CDH4: variants seen among roughly 807,000 people sequenced by gnomAD.
CDH4 encodes the protein cadherin-4.
Under a neutral mutation model 86.0 loss-of-function variants are expected in CDH4, and 33 were observed. The observed-to-expected ratio is 0.38, with a 90% CI of 0.29 to 0.51. CDH4 has a LOEUF of 0.51. Ranked by LOEUF, CDH4 falls within the 20% of genes least tolerant of loss-of-function variation. The pLI is 0.86. For synonymous variants in CDH4, 555 were observed against 549.4 expected (o/e 1.01, Z -0.14); for missense variants, 1,114 against 1,307.4 (o/e 0.85, Z 2.28).
At chr20:61,621,909 G>C (rs2086781334) in intron 2 of CDH4, among the ~76,000 whole-genome samples, 2 of 152,196 alleles carry the variant, frequency 1.3e-5, no homozygotes. Flanking sequence ...AATAAAAACA[G>C]ATGAAGTGCA....
rs2085699857 is a variant in CDH4 at position 61,501,381 on chromosome 20, A to T, written c.170-242182A>T. On this transcript the variant is annotated intron_variant, in intron 2 of 15. Transcript: ENST00000614565. The surrounding 1 kb of genome is among the most constrained non-coding windows in gnomAD (Gnocchi z 4.2). Reference sequence around the variant, plus strand: ...GCATTGGGGTGACTGAGACAAATGGAGTGTGGCCTGCTTGGGAAATGCTGA... The same window carrying T: ...GCATTGGGGTGACTGAGACAAATGGTGTGTGGCCTGCTTGGGAAATGCTGA... Among the ~76,000 whole-genome samples, 1 of 152,154 alleles carries T rather than the reference A, an allele frequency of 6.6e-6. No individual in the cohort carries two copies. The highest frequency in any genetic ancestry group is 1.5e-5 in the Non-Finnish European group (1 of 68,028).
chr20:61,936,868 C>A lies in CDH4; in HGVS notation c.2676C>A (p.Asp892Glu). ...ACTCATCCAGTTCCGGGGACCAAGA[C>A]TACGATTACCTCAACGACTGGGGGC... ...SLNSSSSGDQ[D>E]YDYLNDWGPR... The change falls in exon 16 of 16, where the codon GAC becomes GAA. Residue 892 changes from aspartate to glutamate, a missense_variant. By Grantham distance (45) the Asp-to-Glu change is conservative. Around this residue, in one of 3 missense-constraint regions of CDH4, gnomAD observed 188 missense variants for 183.8 expected, o/e 1.02. Transcript: ENST00000614565. The A allele has an allele frequency of 6.2e-7, 1 of 1,607,836 alleles. No homozygotes were observed. The highest frequency in any genetic ancestry group is 8.5e-7 in the Non-Finnish European group (1 of 1,177,740).
intron 2 of CDH4, among the ~76,000 whole-genome samples, chr20:61,581,851 G>A (rs950103561): frequency 1.3e-5 from 2 of 152,194 alleles, no homozygotes; most frequent in African/African-American, 4.8e-5. Flanking sequence ...ACCGTGAGGT[G>A]GAATCGGGAA....
intron 2 of CDH4, among the ~76,000 whole-genome samples, chr20:61,379,393 G>GTA (rs2084888430): frequency 6.6e-6 from 1 of 152,002 alleles, no homozygotes; most frequent in Non-Finnish European, 1.5e-5. Flanking sequence ...GAGTCATCCT[G>GTA]TACTTCTCGC....
At chr20:61,532,702 G>A (rs768528344) in intron 2 of CDH4, among the ~76,000 whole-genome samples, 1 of 152,206 alleles carries the variant, frequency 6.6e-6, no homozygotes, top group African/African-American at 2.4e-5. Flanking sequence ...GATGTGAGGT[G>A]GAGCAGGCTC....
rs554691313 is a variant in CDH4, at chr20:61,740,179, G to A, written c.170-3384G>A. 1.6e-4 allele frequency among the ~76,000 whole-genome samples: 25 copies of A among 152,306 alleles called. 1 individual carries two copies. The South Asian group carries it at 4.2e-3, about 25-fold the overall frequency. The stretch of plus-strand genomic sequence containing the variant: ...CAGCATTGTTAGAAAAGCCAGCTAC[G>A]GTACTGCCTCTGAGCTTCCCAGTAG... On this transcript the variant is annotated intron_variant, in intron 2 of 15. Coordinates refer to ENST00000614565, the MANE Select transcript of CDH4 (RefSeq NM_001794.5).
chr20:61,830,485 C>A (rs1185751556), intron 4 of CDH4, among the ~76,000 whole-genome samples: 1 of 152,106 alleles, frequency 6.6e-6, no homozygotes, highest in Non-Finnish European at 1.5e-5. Flanking sequence ...TCCCAAGGCC[C>A]CCCAGGACCT....
chr20:61,604,764 C>T (rs547331566), intron 2 of CDH4, among the ~76,000 whole-genome samples: 12 of 152,166 alleles, frequency 7.9e-5, no homozygotes, highest in Admixed American at 6.5e-4. Context: ...ATAAATGGGC[C>T]GTTCTTCCAT....
chr20:61,277,590 TTA>T (rs1385972546), intron 2 of CDH4, among the ~76,000 whole-genome samples: 1 of 152,092 alleles, frequency 6.6e-6, no homozygotes, highest in African/African-American at 2.4e-5. Context: ...TATGAAAGGA[TTA>T]TAATTGGAAA....
At chr20:61,573,486 G>T (rs1402407920) in intron 2 of CDH4, among the ~76,000 whole-genome samples, 2 of 152,244 alleles carry the variant, frequency 1.3e-5, no homozygotes, top group Non-Finnish European at 2.9e-5. Flanking sequence ...GCATCCGGAA[G>T]TGGGGCATGG....
At chr20:61,287,760 CT>C (rs1359130262) in intron 2 of CDH4, among the ~76,000 whole-genome samples, 1 of 152,204 alleles carries the variant, frequency 6.6e-6, no homozygotes, top group African/African-American at 2.4e-5. Flanking sequence ...CTGCCAGCCA[CT>C]CCCCCTAAGT....
At chr20:61,271,633 C>T (rs971819121) in intron 2 of CDH4, among the ~76,000 whole-genome samples, 7 of 152,206 alleles carry the variant, frequency 4.6e-5, no homozygotes, top group Admixed American at 1.3e-4. Context: ...CGCTCTCCCC[C>T]GGCCTCTTCT....
intron 2 of CDH4, among the ~76,000 whole-genome samples, chr20:61,332,256 G>A (rs4528831): frequency 0.56 from 85,094 of 152,078 alleles, 23,829 homozygotes; most frequent in Middle Eastern, 0.68. Context: ...TGGGCGGAGC[G>A]GTGACGGGTT....
chr20:61,692,197 TTGTGTGTATGTCTATGTATGTA>T (rs2087664816), intron 2 of CDH4, among the ~76,000 whole-genome samples: 1 of 150,462 alleles, frequency 6.6e-6, no homozygotes, highest in African/African-American at 2.5e-5. Flanking sequence ...CTGTATATGT[TTGTGTGTATGTCTATGTATGTA>T]TGTGTGTATG....
chr20:61,723,925 G>GGGGTGGGTCCCCAT (rs2088076000), intron 2 of CDH4, among the ~76,000 whole-genome samples: 2 of 147,470 alleles, frequency 1.4e-5, no homozygotes, highest in African/African-American at 2.5e-5. Context: ...GGCTCCATGT[G>GGGGTGGGTCCCCAT]GCAGGGGGGT....
rs2086435365 is a variant in CDH4, at chr20:61,582,304, A to T, written c.170-161259A>T. Among the ~76,000 whole-genome samples, 1 of 152,136 alleles carries T rather than the reference A, an allele frequency of 6.6e-6. No homozygotes were observed. Among genetic ancestry groups the T allele is most frequent in the Non-Finnish European group, 1.5e-5 (1 of 68,028 alleles). Reference sequence around the variant, plus strand: ...GTTTGCCTCCTTATCTGTTTCCATGAGCCAGGTGCCCTGCACGGATCCGCT... The same window carrying T: ...GTTTGCCTCCTTATCTGTTTCCATGTGCCAGGTGCCCTGCACGGATCCGCT... On this transcript the variant is annotated intron_variant, in intron 2 of 15. Coordinates refer to ENST00000614565, the MANE Select transcript of CDH4 (RefSeq NM_001794.5). The surrounding 1 kb of genome is among the most constrained non-coding windows in gnomAD (Gnocchi z 4.2).
chr20:61,761,809 A>G (rs60859095), intron 3 of CDH4, among the ~76,000 whole-genome samples: 9,015 of 152,270 alleles, frequency 0.059, 333 homozygotes, highest in South Asian at 0.1. Context: ...TTCCATCCTG[A>G]GAGTGCTCTT....
At chr20:61,453,698 C>A (rs537958484) in intron 2 of CDH4, among the ~76,000 whole-genome samples, 1 of 152,112 alleles carries the variant, frequency 6.6e-6, no homozygotes, top group Admixed American at 6.5e-5. Context: ...TCTTTCTTTG[C>A]GGAATTATAA....
chr20:61,760,706 T>C (rs2088623685), intron 3 of CDH4, among the ~76,000 whole-genome samples: 1 of 152,262 alleles, frequency 6.6e-6, no homozygotes, highest in African/African-American at 2.4e-5. Flanking sequence ...TGCCCGACTG[T>C]GTTCAGGAAA....
Sources: allele counts gnomAD v4.1 joint callset (sites outside exome capture counted in the v4.1 genomes callset), GRCh38; gene constraint gnomAD v4.1.1; regional missense constraint gnomAD v4.1.1; non-coding constraint Gnocchi (gnomAD v3.1); transcripts MANE v1.5; gene names NCBI Gene and HGNC (gene_info 2026-07-23, HGNC 2026-07-21).